Variants in TLE3 observed in about 807,000 individuals in gnomAD.
The protein encoded by TLE3 is transducin-like enhancer protein 3.
TLE3 carries 14 observed loss-of-function variants against 93.0 expected under a neutral mutation model. That is an observed-to-expected ratio of 0.15 (90% CI 0.10 to 0.24). The LOEUF (loss-of-function observed/expected upper bound fraction) is 0.24, where lower values mean the gene tolerates loss of function less well. Among genes scored for constraint, TLE3 ranks in the 10% least tolerant of loss-of-function variants. The pLI, the probability that TLE3 is intolerant of heterozygous loss-of-function variation, is 1.00. For missense variants in TLE3, 693 were observed against 1,046.6 expected (o/e 0.66, Z 4.66); for synonymous variants, 451 against 425.0 (o/e 1.06, Z -0.75).
intron 4 of TLE3, among the ~76,000 whole-genome samples, chr15:70,080,168 C>T (rs1279211377): frequency 6.6e-6 from 1 of 152,064 alleles, no homozygotes; most frequent in East Asian, 1.9e-4. Context: ...GGCAACTTGG[C>T]GCAATCCGTT....
At chr15:70,094,798 G>T in intron 3 of TLE3, 1 of 530,946 alleles carries the variant, frequency 1.9e-6, no homozygotes. Flanking sequence ...GTGGTAGTAA[G>T]GGGAGCTGGG....
chr15:70,080,742 A>C (rs2057733840), intron 4 of TLE3, among the ~76,000 whole-genome samples: 1 of 152,142 alleles, frequency 6.6e-6, no homozygotes, highest in Non-Finnish European at 1.5e-5. Context: ...TATTTCTCTA[A>C]CCACAGTCTA....
chr15:70,066,125 T>C lies in TLE3; in HGVS notation c.466A>G (p.Ile156Val), dbSNP rs1193037517. The change falls in exon 7 of 20, where the codon ATC becomes GTC. Residue 156 changes from isoleucine (I) to valine (V), a missense_variant. Around this residue, in one of 4 missense-constraint regions of TLE3, gnomAD observed 405 missense variants for 468.9 expected, o/e 0.86. Transcript: ENST00000451782. Reference protein sequence around the residue: ...PHPSGLQPPGIPPVTGSSSGL... With the variant: ...PHPSGLQPPGVPPVTGSSSGL... ...GAGCTGCTCCCTGTCACTGGGGGGA[T>C]TCCTGGAGGCTGGAGACCTGACGGG... 1.3e-6 allele frequency: 2 copies of C among 1,562,472 alleles called. No individual in the cohort carries two copies. Among genetic ancestry groups the C allele is most frequent in the Non-Finnish European group, 8.7e-7 (1 of 1,153,214 alleles).
At position 70,061,885 on chromosome 15, in the gene TLE3, C is replaced by A. The variant is rs567314703; in HGVS notation, c.595-1236G>T. On this transcript the variant is annotated intron_variant, in intron 8 of 19. Coordinates refer to ENST00000451782, the MANE Select transcript of TLE3 (RefSeq NM_001105192.3). Reference sequence around the variant, plus strand: ...CCAGTCCCCATGCAACACAGGAGGTCATATGGAGACCCAGAGGGACATCTG... The same window carrying A: ...CCAGTCCCCATGCAACACAGGAGGTAATATGGAGACCCAGAGGGACATCTG... Among the ~76,000 whole-genome samples the A allele has an allele frequency of 4.6e-3, 684 of 150,004 alleles. 5 individuals are homozygous for A. Among genetic ancestry groups the A allele is most frequent in the African/African-American group, 0.017 (655 of 39,360 alleles).
At chr15:70,057,092 G>C (rs940103102) in intron 13 of TLE3, among the ~76,000 whole-genome samples, 16 of 152,318 alleles carry the variant, frequency 1.1e-4, no homozygotes, top group Admixed American at 5.9e-4. Context: ...AGAAAGTCTT[G>C]TACAACCAGT....
At chr15:70,094,806 G>A (rs934959544) in intron 3 of TLE3, 14 of 518,766 alleles carry the variant, frequency 2.7e-5, no homozygotes, top group African/African-American at 2.5e-4. Context: ...AAGGGGAGCT[G>A]GGCCTTCCCT....
chr15:70,074,505 T>C, intron 6 of TLE3, 28 bp downstream of exon 6: 1 of 1,604,862 alleles, frequency 6.2e-7, no homozygotes, highest in East Asian at 2.2e-5. Flanking sequence ...ATACACACGG[T>C]AAGAGGCAGA....
chr15:70,087,815 G>C (rs2058100249), intron 4 of TLE3, among the ~76,000 whole-genome samples: 1 of 152,248 alleles, frequency 6.6e-6, no homozygotes, highest in South Asian at 2.1e-4. Flanking sequence ...CCAAAGGACT[G>C]CATTTTCAAA....
At chr15:70,080,704 C>A (rs1009793538) in intron 4 of TLE3, among the ~76,000 whole-genome samples, 2 of 152,200 alleles carry the variant, frequency 1.3e-5, no homozygotes, top group Non-Finnish European at 2.9e-5. Flanking sequence ...TTGCTGTAAA[C>A]CGAGGGTACT....
intron 14 of TLE3, 35 bp downstream of exon 14, chr15:70,056,263 C>T: frequency 6.2e-7 from 1 of 1,609,092 alleles, no homozygotes; most frequent in Non-Finnish European, 8.5e-7. Flanking sequence ...CCTGCCCACC[C>T]TACAAAGCAT....
intron 14 of TLE3, chr15:70,055,570 C>CGA: frequency 7.9e-6 from 3 of 379,190 alleles, no homozygotes; most frequent in Non-Finnish European, 9.3e-6. Flanking sequence ...AATGCCCTTT[C>CGA]CCACGATCCA....
chr15:70,056,190 C>A, intron 14 of TLE3, 108 bp downstream of exon 14: 1 of 1,256,734 alleles, frequency 8.0e-7, no homozygotes, highest in Non-Finnish European at 1.2e-6. Flanking sequence ...GGGAGGTGCA[C>A]CAGGGCAAAC....
At chr15:70,068,073 C>A (rs930215024) in intron 6 of TLE3, among the ~76,000 whole-genome samples, 10 of 152,228 alleles carry the variant, frequency 6.6e-5, no homozygotes, top group Non-Finnish European at 1.3e-4. Flanking sequence ...TTACTCTGAG[C>A]TCCTCCACTT....
chr15:70,053,388 G>A lies in TLE3; in HGVS notation c.1827-14C>T. 3 of 1,592,238 alleles carry A rather than the reference G, an allele frequency of 1.9e-6. No individual in the cohort carries two copies. Among genetic ancestry groups the A allele is most frequent in the East Asian group, 2.3e-5 (1 of 44,294 alleles). ...CCCTGGAACTGCCTACGAAAGCCAA[G>A]CAGGGAGGAGGGTGAGTCCCGGGAA... On this transcript the variant is annotated splice_polypyrimidine_tract_variant and intron_variant, in intron 16 of 19. Transcript: ENST00000451782.
Position 70,058,489 on chromosome 15 carries a change from C to A in TLE3, c.918+174G>T, listed in dbSNP as rs1032792147. ...ACTCCCATTTTACAGACGTAGCAAC[C>A]GAGGCTCAGAAACGTTAACTCATTA... On this transcript the variant is annotated intron_variant, in intron 11 of 19. Transcript: ENST00000451782. The surrounding 1 kb of genome is among the most constrained non-coding windows in gnomAD (Gnocchi z 4.1). 7.8e-7 allele frequency: 1 copy of A among 1,286,496 alleles called. No homozygotes were observed. The highest frequency in any genetic ancestry group is 2.5e-5 in the East Asian group (1 of 39,764). 79.7% of individuals were successfully genotyped at this position (1,286,496 alleles called of 1,614,324 possible).
chr15:70,094,420 G>T, intron 4 of TLE3, 112 bp downstream of exon 4: 6 of 813,666 alleles, frequency 7.4e-6, no homozygotes, highest in Non-Finnish European at 9.9e-6. Flanking sequence ...TCAAGGAGAA[G>T]GGGGAGGAAT....
At position 70,058,057 on chromosome 15, in the gene TLE3, C is replaced by T; in HGVS notation, c.1051+102G>A. 2 of 1,552,608 alleles carry T rather than the reference C, an allele frequency of 1.3e-6. No homozygotes were observed. Among genetic ancestry groups the T allele is most frequent in the Non-Finnish European group, 1.8e-6 (2 of 1,142,784 alleles). On this transcript the variant is annotated intron_variant, in intron 12 of 19. Coordinates refer to ENST00000451782, the MANE Select transcript of TLE3 (RefSeq NM_001105192.3). The surrounding 1 kb of genome is among the most constrained non-coding windows in gnomAD (Gnocchi z 4.1). ...AGGGGCAGGCCCTGGGAGACACTGC[C>T]TGTGCTCTATCCCATGCGTGTGTGT...
At chr15:70,056,181 G>T in intron 14 of TLE3, 117 bp downstream of exon 14, 1 of 1,125,070 alleles carries the variant, frequency 8.9e-7, no homozygotes, top group Non-Finnish European at 1.3e-6. Context: ...CTTTCCAAAG[G>T]GAGGTGCACC....
chr15:70,065,970 C>A (rs747644555), intron 7 of TLE3, 44 bp downstream of exon 7: 1 of 1,076,572 alleles, frequency 9.3e-7, no homozygotes, highest in Non-Finnish European at 1.4e-6. Context: ...AGCGCCCATG[C>A]CCACCCCTGC....
Sources: allele counts gnomAD v4.1 joint callset (sites outside exome capture counted in the v4.1 genomes callset), GRCh38; gene constraint gnomAD v4.1.1; regional missense constraint gnomAD v4.1.1; non-coding constraint Gnocchi (gnomAD v3.1); transcripts MANE v1.5; gene names NCBI Gene and HGNC (gene_info 2026-07-23, HGNC 2026-07-21).